Variants in NRXN3 observed in about 807,000 individuals in gnomAD.
The protein encoded by NRXN3 is neurexin 3, also known as neurexin III.
NRXN3 carries 32 observed loss-of-function variants against 137.6 expected under a neutral mutation model. The ratio of observed to expected loss-of-function variants is 0.23; its 90% CI spans 0.18 to 0.31. The LOEUF (loss-of-function observed/expected upper bound fraction) is 0.31. NRXN3 is among the 10% of genes least tolerant of loss of function. The probability of loss-of-function intolerance (pLI) is 1.00; values close to 1 mark genes in which losing one functional copy is unlikely to be tolerated. For missense variants in NRXN3, 1,574 were observed against 2,062.5 expected, an observed-to-expected ratio of 0.76 and a Z score of 4.59; for synonymous variants, 798 against 784.5, an observed-to-expected ratio of 1.02 and a Z score of -0.29.
At chr14:79,051,903 C>A (rs1043501672) in intron 15 of NRXN3, among the ~76,000 whole-genome samples, 7 of 152,146 alleles carry the variant, frequency 4.6e-5, no homozygotes, top group Non-Finnish European at 7.4e-5. Flanking sequence ...CTAAGATGAA[C>A]AAGTTTGCAT....
chr14:79,050,944 T>A (rs1183601663), intron 15 of NRXN3, among the ~76,000 whole-genome samples: 1 of 152,210 alleles, frequency 6.6e-6, no homozygotes, highest in Non-Finnish European at 1.5e-5. Flanking sequence ...CTTACAGTAA[T>A]AGAATGAACA....
chr14:78,702,451 C>CTTTTTTTTT (rs151197180), intron 6 of NRXN3, among the ~76,000 whole-genome samples: 1 of 122,700 alleles, frequency 8.1e-6, no homozygotes, highest in African/African-American at 3.1e-5. Flanking sequence ...TTTTTCTTTT[C>CTTTTTTTTT]TTATTTTTTT....
Position 79,028,167 on chromosome 14 carries a change from C to T in NRXN3, c.3262+40026C>T, listed in dbSNP as rs145914257. Among the ~76,000 whole-genome samples the T allele has an allele frequency of 7.1e-3, 1,084 of 152,148 alleles. 11 individuals are homozygous for T. The highest frequency in any genetic ancestry group is 9.3e-3 in the Non-Finnish European group (630 of 67,992). On this transcript the variant is annotated intron_variant, in intron 15 of 20. Transcript: ENST00000335750. Reference sequence around the variant, plus strand: ...CTGAAAGTTAGTGGCAGAAACAGGACCAGAACATTGATACCCAACTCACTA... The same window carrying T: ...CTGAAAGTTAGTGGCAGAAACAGGATCAGAACATTGATACCCAACTCACTA...
chr14:78,395,018 T>G (rs1387880160), intron 4 of NRXN3, among the ~76,000 whole-genome samples: 1 of 151,878 alleles, frequency 6.6e-6, no homozygotes, highest in African/African-American at 2.4e-5. Context: ...AATCATCTCT[T>G]TGTTTTATTA....
At chr14:79,035,199 C>G (rs979043437) in intron 15 of NRXN3, among the ~76,000 whole-genome samples, 1 of 151,964 alleles carries the variant, frequency 6.6e-6, no homozygotes, top group Admixed American at 6.6e-5. Flanking sequence ...TTGAAAAATG[C>G]CAGCAGGCAA....
At chr14:78,198,594 G>A (rs746499328) in intron 1 of NRXN3, among the ~76,000 whole-genome samples, 7 of 152,200 alleles carry the variant, frequency 4.6e-5, no homozygotes, top group Non-Finnish European at 7.3e-5. Flanking sequence ...AGAGGGTGCA[G>A]CCAACTCCTC....
intron 15 of NRXN3, among the ~76,000 whole-genome samples, chr14:79,466,708 C>T (rs1245172087): frequency 6.6e-6 from 1 of 152,038 alleles, no homozygotes; most frequent in Non-Finnish European, 1.5e-5. Flanking sequence ...GCTTTCTTTC[C>T]TGTGGGAGTG....
chr14:78,185,793 C>T (rs2060182283), intron 1 of NRXN3, among the ~76,000 whole-genome samples: 2 of 152,136 alleles, frequency 1.3e-5, no homozygotes, highest in Admixed American at 1.3e-4. Flanking sequence ...AATTCTCAGG[C>T]TTTATTTTGG....
At chr14:78,808,036 C>G (rs74065156) in intron 9 of NRXN3, among the ~76,000 whole-genome samples, 1 of 151,804 alleles carries the variant, frequency 6.6e-6, no homozygotes, top group Non-Finnish European at 1.5e-5. Context: ...TATATACACA[C>G]GCACACACAC....
intron 4 of NRXN3, among the ~76,000 whole-genome samples, chr14:78,484,013 CACACACACACACACAGAGAG>C (rs1242195586): frequency 4.9e-5 from 4 of 81,474 alleles, no homozygotes; most frequent in African/African-American, 1.3e-4. Context: ...CACACACACA[CACACACACACACACAGAGAG>C]AGAGAGAGAG....
At chr14:79,852,002 A>T (rs777172276) in intron 20 of NRXN3, among the ~76,000 whole-genome samples, 2 of 151,916 alleles carry the variant, frequency 1.3e-5, no homozygotes, top group African/African-American at 4.8e-5. Context: ...CTATTCCTCC[A>T]TTTATCAGGC....
At chr14:79,773,639 G>C in intron 19 of NRXN3, among the ~76,000 whole-genome samples, 1 of 99,280 alleles carries the variant, frequency 1.0e-5, no homozygotes, top group Admixed American at 1.5e-4. Context: ...GGGGTGGGGG[G>C]AGGGGGGAGG....
At chr14:79,788,493 A>G (rs140428799) in intron 19 of NRXN3, among the ~76,000 whole-genome samples, 4 of 152,358 alleles carry the variant, frequency 2.6e-5, no homozygotes, top group Non-Finnish European at 5.9e-5. Context: ...CAGAAGAGTA[A>G]CATCTCTGAC....
At chr14:79,216,803 A>G (rs928180836) in intron 15 of NRXN3, among the ~76,000 whole-genome samples, 1 of 152,112 alleles carries the variant, frequency 6.6e-6, no homozygotes, top group Non-Finnish European at 1.5e-5. Context: ...CCATTTTGTG[A>G]CCCTATAAAG....
intron 4 of NRXN3, among the ~76,000 whole-genome samples, chr14:78,421,261 C>CAAAAAAAAAAAAAA (rs34046580): frequency 8.6e-6 from 1 of 116,080 alleles, no homozygotes. Flanking sequence ...GACTCCATCT[C>CAAAAAAAAAAAAAA]AAAAAAAAAA....
At chr14:78,802,303 T>G (rs895177948) in intron 8 of NRXN3, among the ~76,000 whole-genome samples, 1 of 152,148 alleles carries the variant, frequency 6.6e-6, no homozygotes, top group African/African-American at 2.4e-5. Context: ...AAACACCACA[T>G]GTTCTCACTC....
intron 2 of NRXN3, among the ~76,000 whole-genome samples, chr14:78,257,407 C>T (rs148716516): frequency 2.0e-5 from 3 of 152,352 alleles, no homozygotes; most frequent in East Asian, 1.9e-4. Flanking sequence ...GTATATAGCA[C>T]ATATCAGAGT....
intron 10 of NRXN3, among the ~76,000 whole-genome samples, chr14:78,834,065 G>T (rs2098989529): frequency 6.6e-6 from 1 of 152,178 alleles, no homozygotes; most frequent in African/African-American, 2.4e-5. Context: ...AGGTGGGTTT[G>T]CAGGACAGAA....
At chr14:78,404,312 A>T (rs1598302551) in intron 4 of NRXN3, among the ~76,000 whole-genome samples, 1 of 151,840 alleles carries the variant, frequency 6.6e-6, no homozygotes, top group South Asian at 2.1e-4. Context: ...CCAGACAGGG[A>T]ATGAAATTGG....
Sources: allele counts gnomAD v4.1 joint callset (sites outside exome capture counted in the v4.1 genomes callset), GRCh38; gene constraint gnomAD v4.1.1; transcripts MANE v1.5; gene names NCBI Gene and HGNC (gene_info 2026-07-23, HGNC 2026-07-21).